AKAP13: variants seen among roughly 807,000 people sequenced by gnomAD.
AKAP13 encodes A-kinase anchoring protein 13.
In AKAP13, 80 loss-of-function variants were observed where a neutral mutation model predicts 264.5. The observed-to-expected ratio is 0.30, with a 90% CI of 0.25 to 0.36. The LOEUF is 0.36. Among genes scored for constraint, AKAP13 ranks in the 10% least tolerant of loss-of-function variants. The pLI, the probability that AKAP13 is intolerant of heterozygous loss-of-function variation, is 1.00. For missense variants in AKAP13, 3,712 were observed against 3,435.2 expected, an observed-to-expected ratio of 1.08 and a Z score of -2.01; for synonymous variants, 1,380 against 1,250.2, an observed-to-expected ratio of 1.10 and a Z score of -2.19.
intron 1 of AKAP13, among the ~76,000 whole-genome samples, chr15:85,421,576 T>C (rs1375585667): frequency 6.6e-6 from 1 of 152,260 alleles, no homozygotes; most frequent in Non-Finnish European, 1.5e-5. Flanking sequence ...GGTTTGTGTG[T>C]GCGCGTGTGC....
intron 8 of AKAP13, 112 bp from the exon 9 acceptor site, chr15:85,639,262 C>T: frequency 1.3e-6 from 1 of 746,078 alleles, no homozygotes; most frequent in Non-Finnish European, 2.2e-6. Context: ...TTTGCTCACC[C>T]TGTATTAAAG....
intron 1 of AKAP13, among the ~76,000 whole-genome samples, chr15:85,468,367 T>G (rs1485065767): frequency 6.6e-6 from 1 of 152,252 alleles, no homozygotes; most frequent in Non-Finnish European, 1.5e-5. Context: ...TTTTAGTAGT[T>G]GTCCTCTAAG....
At chr15:85,692,160 A>T (rs1348922300) in intron 16 of AKAP13, among the ~76,000 whole-genome samples, 1 of 152,094 alleles carries the variant, frequency 6.6e-6, no homozygotes, top group South Asian at 2.1e-4. Flanking sequence ...AATTTCTTCT[A>T]TCTTCCCTGC....
At chr15:85,547,298 G>T (rs898580254) in intron 5 of AKAP13, among the ~76,000 whole-genome samples, 15 of 152,200 alleles carry the variant, frequency 9.9e-5, no homozygotes, top group African/African-American at 3.4e-4. Flanking sequence ...GCTTTACCTT[G>T]TTTTTTGCTT....
At chr15:85,532,544 T>A (rs967438219) in intron 3 of AKAP13, among the ~76,000 whole-genome samples, 5 of 152,232 alleles carry the variant, frequency 3.3e-5, no homozygotes, top group African/African-American at 1.2e-4. Flanking sequence ...TTAACTCTAC[T>A]TTCTTTTCTG....
At chr15:85,427,343 A>C (rs1193741691) in intron 1 of AKAP13, among the ~76,000 whole-genome samples, 1 of 151,990 alleles carries the variant, frequency 6.6e-6, no homozygotes, top group Non-Finnish European at 1.5e-5. Flanking sequence ...ATGGGAATAA[A>C]CAACACTAGT....
At chr15:85,569,469 T>TTG (rs1282728152) in intron 5 of AKAP13, among the ~76,000 whole-genome samples, 11 of 150,038 alleles carry the variant, frequency 7.3e-5, no homozygotes, top group Non-Finnish European at 1.5e-4. Flanking sequence ...TTTTTTTTTT[T>TTG]GAGACAGAGT....
In AKAP13 at chr15:85,422,643, C is replaced by G. The variant is rs139352816; in HGVS notation, c.-12+41845C>G. On this transcript the variant is annotated intron_variant, in intron 1 of 36. Transcript: ENST00000394518. ...ATGAGGTGTTGCATCCTTCTCTGTGCATACCTGCATATGATTTTAAATTAG... is the reference window on the plus strand; with the variant it reads ...ATGAGGTGTTGCATCCTTCTCTGTGGATACCTGCATATGATTTTAAATTAG... Among the ~76,000 whole-genome samples the G allele has an allele frequency of 5.6e-4, 85 of 152,308 alleles. No homozygotes were observed. The East Asian group carries it at 0.013, about 23-fold the overall frequency.
intron 19 of AKAP13, among the ~76,000 whole-genome samples, chr15:85,714,419 G>C (rs183777634): frequency 1.3e-5 from 2 of 152,186 alleles, no homozygotes; most frequent in Admixed American, 1.3e-4. Context: ...GTCATCTGTA[G>C]TTACAGGTGT....
intron 2 of AKAP13, among the ~76,000 whole-genome samples, chr15:85,491,841 T>C (rs1413367281): frequency 2.0e-5 from 3 of 152,264 alleles, no homozygotes; most frequent in Admixed American, 6.5e-5. Context: ...GTTTGCATAG[T>C]ACCTCATAGT....
intron 8 of AKAP13, among the ~76,000 whole-genome samples, chr15:85,600,215 G>A (rs2079994406): frequency 6.6e-6 from 1 of 151,718 alleles, no homozygotes; most frequent in African/African-American, 2.4e-5. Flanking sequence ...GGCAACAGCT[G>A]TGTAAAGGCC....
At chr15:85,551,488 C>T (rs907269444) in intron 5 of AKAP13, among the ~76,000 whole-genome samples, 1 of 152,178 alleles carries the variant, frequency 6.6e-6, no homozygotes, top group African/African-American at 2.4e-5. Flanking sequence ...ACTCCAAGTC[C>T]TGTGAACTTT....
intron 1 of AKAP13, among the ~76,000 whole-genome samples, chr15:85,413,414 C>T (rs1407124690): frequency 2.0e-5 from 3 of 152,172 alleles, no homozygotes; most frequent in Non-Finnish European, 4.4e-5. Flanking sequence ...TATGCTAGTT[C>T]TTTCATTTCA....
At chr15:85,456,674 C>A (rs1486269533) in intron 1 of AKAP13, among the ~76,000 whole-genome samples, 1 of 151,784 alleles carries the variant, frequency 6.6e-6, no homozygotes, top group Non-Finnish European at 1.5e-5. Flanking sequence ...CCTCAGCCTC[C>A]CGAGTAGCTG....
chr15:85,412,933 TTTACA>T (rs2072051192), intron 1 of AKAP13, among the ~76,000 whole-genome samples: 1 of 152,198 alleles, frequency 6.6e-6, no homozygotes, highest in South Asian at 2.1e-4. Flanking sequence ...TTACCTTAGT[TTTACA>T]AATCAGGGGG....
chr15:85,710,521 G>C (rs369260556), intron 18 of AKAP13, 58 bp from the exon 19 acceptor site: 2 of 1,554,088 alleles, frequency 1.3e-6, no homozygotes, highest in Admixed American at 3.5e-5. Flanking sequence ...CTTCCTACTC[G>C]GCTTCTCAGG....
chr15:85,486,563 T>A (rs1400633259), intron 2 of AKAP13, among the ~76,000 whole-genome samples: 1 of 152,140 alleles, frequency 6.6e-6, no homozygotes, highest in Non-Finnish European at 1.5e-5. Flanking sequence ...ATCAGAAGTG[T>A]GAGGAATTTT....
chr15:85,476,936 G>A (rs754641076), intron 1 of AKAP13, among the ~76,000 whole-genome samples: 1 of 152,160 alleles, frequency 6.6e-6, no homozygotes, highest in African/African-American at 2.4e-5. Flanking sequence ...CAGCATTTAG[G>A]AATATGGGTC....
chr15:85,554,039 A>G (rs1338989951), intron 5 of AKAP13, among the ~76,000 whole-genome samples: 2 of 152,158 alleles, frequency 1.3e-5, no homozygotes, highest in African/African-American at 4.8e-5. Context: ...TAGATTATGT[A>G]GAGAATGCTT....
Sources: gnomAD v4.1 joint callset for allele counts (sites outside exome capture counted in the v4.1 genomes callset) on GRCh38, gnomAD v4.1.1 for gene constraint, MANE v1.5 for transcripts, NCBI Gene and HGNC (gene_info 2026-07-23, HGNC 2026-07-21) for gene names.